Variants in PCDH15 observed in about 807,000 individuals in gnomAD.
The protein encoded by PCDH15 is protocadherin-15.
Under a neutral mutation model 178.5 loss-of-function variants are expected in PCDH15, and 129 were observed. The observed-to-expected ratio is 0.72, with a 90% CI of 0.63 to 0.84. PCDH15 has a LOEUF of 0.84. PCDH15 is among the 40% of genes least tolerant of loss of function. The pLI, the probability that PCDH15 is intolerant of heterozygous loss-of-function variation, is 0.00. For synonymous variants in PCDH15, 800 were observed against 732.0 expected, an observed-to-expected ratio of 1.09 and a Z score of -1.50; for missense variants, 2,230 against 2,099.9, an observed-to-expected ratio of 1.06 and a Z score of -1.21.
chr10:55,053,841 A>G (rs1431494752), intron 2 of PCDH15, among the ~76,000 whole-genome samples: 1 of 152,220 alleles, frequency 6.6e-6, no homozygotes, highest in Non-Finnish European at 1.5e-5. Context: ...ACAATTTCAA[A>G]TAAGTGAAAT....
intron 13 of PCDH15, among the ~76,000 whole-genome samples, 191 bp downstream of exon 13, chr10:54,183,253 G>A (rs1048366521): frequency 1.3e-5 from 2 of 152,216 alleles, no homozygotes; most frequent in African/African-American, 4.8e-5. Context: ...TTACAGGCGT[G>A]AGCCACCATG....
intron 25 of PCDH15, among the ~76,000 whole-genome samples, chr10:53,919,437 C>A (rs1220162603): frequency 6.6e-6 from 1 of 152,192 alleles, no homozygotes; most frequent in Non-Finnish European, 1.5e-5. Flanking sequence ...TGACAGAAAG[C>A]TTTAATGGTA....
intron 28 of PCDH15, among the ~76,000 whole-genome samples, chr10:53,846,118 C>T (rs577437537): frequency 2.6e-5 from 4 of 151,556 alleles, no homozygotes; most frequent in African/African-American, 7.2e-5. Context: ...TAGCAATATA[C>T]GTATTTAAAA....
chr10:54,844,875 A>T (rs1415166879), intron 3 of PCDH15, among the ~76,000 whole-genome samples: 2 of 151,994 alleles, frequency 1.3e-5, no homozygotes, highest in Non-Finnish European at 2.9e-5. Flanking sequence ...ACTTTTAAAA[A>T]AACGTAGCCT....
At chr10:54,787,022 C>T (rs1045096278) in intron 1 of PCDH15, among the ~76,000 whole-genome samples, 1 of 151,646 alleles carries the variant, frequency 6.6e-6, no homozygotes, top group African/African-American at 2.4e-5. Flanking sequence ...GAAGATTATC[C>T]TACAAAGTCC....
At chr10:54,796,293 T>TCTAC (rs1951999153) in intron 1 of PCDH15, among the ~76,000 whole-genome samples, 9 of 147,970 alleles carry the variant, frequency 6.1e-5, no homozygotes, top group Admixed American at 6.1e-4. Context: ...TATCTATCTA[T>TCTAC]CTATCTATCT....
At chr10:55,132,121 C>T (rs1838067656) in intron 2 of PCDH15, among the ~76,000 whole-genome samples, 1 of 152,142 alleles carries the variant, frequency 6.6e-6, no homozygotes, top group African/African-American at 2.4e-5. Context: ...GAGTGTGTAG[C>T]CCCAGCCGTG....
intron 2 of PCDH15, among the ~76,000 whole-genome samples, chr10:55,505,042 G>A (rs573610221): frequency 6.6e-6 from 1 of 151,394 alleles, no homozygotes; most frequent in Non-Finnish European, 1.5e-5. Context: ...GTTCTGACTT[G>A]CATTGGAAAC....
rs868184023 is a variant in PCDH15 at position 54,873,156 on chromosome 10, C to T, written c.-29+24294G>A. On this transcript the variant is annotated intron_variant, in intron 3 of 5. Coordinates refer to the PCDH15 transcript ENST00000458638. ...GCAAACTCTGAAATGAATTGATACACTTTCTAAAAAGGGGATATGTTTTTT... is the reference window on the plus strand; with the variant it reads ...GCAAACTCTGAAATGAATTGATACATTTTCTAAAAAGGGGATATGTTTTTT... Among the ~76,000 whole-genome samples, 26 of 152,178 alleles carry T rather than the reference C, an allele frequency of 1.7e-4. No individual in the cohort carries two copies. In the Middle Eastern group the frequency reaches 0.01, roughly 60 times the overall value.
chr10:55,498,452 G>A (rs1840584528), intron 2 of PCDH15, among the ~76,000 whole-genome samples: 2 of 151,820 alleles, frequency 1.3e-5, no homozygotes, highest in Non-Finnish European at 2.9e-5. Flanking sequence ...AACTGTTCAA[G>A]TGACCTACTT....
chr10:54,294,742 C>T (rs2059637889), intron 8 of PCDH15, among the ~76,000 whole-genome samples: 1 of 152,100 alleles, frequency 6.6e-6, no homozygotes, highest in Non-Finnish European at 1.5e-5. Context: ...ATTAATTCAT[C>T]AATTATACAT....
intron 1 of PCDH15, among the ~76,000 whole-genome samples, chr10:55,177,430 G>C (rs1839524336): frequency 6.6e-6 from 1 of 152,126 alleles, no homozygotes; most frequent in Non-Finnish European, 1.5e-5. Flanking sequence ...ATGGCCCTGG[G>C]AGTTCTAACC....
intron 20 of PCDH15, among the ~76,000 whole-genome samples, chr10:54,016,169 G>C (rs2092734168): frequency 6.6e-6 from 1 of 151,864 alleles, no homozygotes; most frequent in South Asian, 2.1e-4. Context: ...ATGAAAAAAT[G>C]CTCATCATCA....
At chr10:55,530,359 G>T (rs553713104) in intron 2 of PCDH15, among the ~76,000 whole-genome samples, 1 of 151,890 alleles carries the variant, frequency 6.6e-6, no homozygotes, top group East Asian at 1.9e-4. Context: ...CTTCACATAT[G>T]AATTTTAAAA....
chr10:54,478,725 A>T (rs749009096), intron 3 of PCDH15, among the ~76,000 whole-genome samples: 12 of 152,102 alleles, frequency 7.9e-5, no homozygotes, highest in Non-Finnish European at 1.8e-4. Context: ...TGGTGAATTA[A>T]ATTGTCATTG....
At chr10:54,551,319 A>G (rs7073883) in intron 2 of PCDH15, among the ~76,000 whole-genome samples, 38,672 of 151,846 alleles carry the variant, frequency 0.25, 5,224 homozygotes, top group Admixed American at 0.35. Flanking sequence ...TCGCCTCTAT[A>G]CAAAAACAAG....
chr10:54,336,760 A>G (rs962038723), intron 6 of PCDH15, among the ~76,000 whole-genome samples: 14 of 152,210 alleles, frequency 9.2e-5, no homozygotes, highest in African/African-American at 3.4e-4. Context: ...AGTCCCCACA[A>G]AGAGTTGCCA....
At chr10:54,988,904 T>C (rs375778352) in intron 2 of PCDH15, among the ~76,000 whole-genome samples, 2 of 152,168 alleles carry the variant, frequency 1.3e-5, no homozygotes, top group East Asian at 3.9e-4. Context: ...ATGTCAGAAA[T>C]CTTCACAGCA....
chr10:54,421,862 TACACACACTATATATATATATACAC>T (rs1955482482), intron 3 of PCDH15, among the ~76,000 whole-genome samples: 1 of 113,976 alleles, frequency 8.8e-6, no homozygotes, highest in East Asian at 2.1e-4. Flanking sequence ...TATATATATA[TACACACACTATATATATATATACAC>T]ACACACACTA....
Sources: allele counts gnomAD v4.1 joint callset (sites outside exome capture counted in the v4.1 genomes callset), GRCh38; gene constraint gnomAD v4.1.1; transcripts MANE v1.5; gene names NCBI Gene and HGNC (gene_info 2026-07-23, HGNC 2026-07-21).